The following UBOX5 variants were observed in gnomAD, a reference collection of about 807,000 sequenced individuals.
UBOX5 encodes the protein RING finger protein 37.
UBOX5 carries 28 observed loss-of-function variants against 39.0 expected under a neutral mutation model. The observed-to-expected ratio is 0.72, with a 90% CI of 0.53 to 0.98. UBOX5 has a LOEUF of 0.98. Ranked by LOEUF, UBOX5 falls within the 50% of genes least tolerant of loss-of-function variation. UBOX5 has a pLI of 0.00. For synonymous variants in UBOX5, 283 were observed against 275.5 expected, an observed-to-expected ratio of 1.03 and a Z score of -0.27; for missense variants, 585 against 674.4, an observed-to-expected ratio of 0.87 and a Z score of 1.47.
chr20:3,140,428 T>C (rs1388782213), intron 1 of UBOX5, among the ~76,000 whole-genome samples: 2 of 152,206 alleles, frequency 1.3e-5, no homozygotes, highest in Non-Finnish European at 2.9e-5. Context: ...CAAAGGTTTT[T>C]ACTACCATTT....
Position 3,121,833 on chromosome 20 carries a change from A to C in UBOX5, c.806T>G (p.Leu269Arg). 1 of 1,614,130 alleles carries C rather than the reference A, an allele frequency of 6.2e-7. No homozygotes were observed. Among genetic ancestry groups the C allele is most frequent in the Non-Finnish European group, 8.5e-7 (1 of 1,180,040 alleles). Residue 269 changes from leucine (L) to arginine (R), a missense_variant, in exon 3 of 5, where the codon CTG becomes CGG. Transcript: ENST00000217173. The stretch of plus-strand genomic sequence containing the variant: ...CAGCATGGGACAAGGCATGATCTCC[A>C]GGGTGATGGGATCCAGGAACTCCTC... ...VPEEFLDPIT[L>R]EIMPCPMLLP...
chr20:3,147,824 G>A lies in UBOX5; in HGVS notation c.-42+11942C>T, dbSNP rs575070417. The A allele has an allele frequency of 2.4e-5, 39 of 1,614,168 alleles. No individual in the cohort carries two copies. In the African/African-American group the frequency reaches 4.1e-4, roughly 17 times the overall value. ...GTGTGCCACTCTAGGAGGCAAAGAC[G>A]CAGCCACTGCATTCATTACTCCTTC... On this transcript the variant is annotated intron_variant, in intron 1 of 4. Transcript: ENST00000217173.
chr20:3,144,869 T>C (rs1488122526), intron 1 of UBOX5, among the ~76,000 whole-genome samples: 1 of 152,190 alleles, frequency 6.6e-6, no homozygotes, highest in Non-Finnish European at 1.5e-5. Context: ...GCGTCAGACT[T>C]GGGAACCATT....
At chr20:3,148,450 G>C (rs1390258400) in intron 1 of UBOX5, 1 of 1,613,988 alleles carries the variant, frequency 6.2e-7, no homozygotes, top group Admixed American at 1.7e-5. Context: ...TCAAAACATT[G>C]ATCAGATCTT....
At chr20:3,126,385 A>T (rs1464345299) in intron 1 of UBOX5, among the ~76,000 whole-genome samples, 1 of 151,956 alleles carries the variant, frequency 6.6e-6, no homozygotes, top group African/African-American at 2.4e-5. Context: ...GGCCGCAGGG[A>T]CCTCTGCCTA....
chr20:3,131,954 G>A (rs2066431983), intron 1 of UBOX5, among the ~76,000 whole-genome samples: 2 of 143,612 alleles, frequency 1.4e-5, no homozygotes, highest in African/African-American at 5.1e-5. Flanking sequence ...GTTGCACTGA[G>A]CCGAGATCGA....
chr20:3,109,576 C>A lies in UBOX5; in HGVS notation c.*530G>T. ...GCAGGTGGGCGACAGGAGTGTGTGACACAGACAGGCACTCCACCAGGAGGA... is the reference window on the plus strand; with the variant it reads ...GCAGGTGGGCGACAGGAGTGTGTGAAACAGACAGGCACTCCACCAGGAGGA... On this transcript the variant is annotated 3_prime_UTR_variant, in exon 5 of 5. Coordinates refer to ENST00000217173, the MANE Select transcript of UBOX5 (RefSeq NM_014948.4). 1 of 169,862 alleles carries A rather than the reference C, an allele frequency of 5.9e-6. No individual in the cohort carries two copies. Among genetic ancestry groups the A allele is most frequent in the Non-Finnish European group, 1.3e-5 (1 of 77,242 alleles). 10.5% of individuals were successfully genotyped at this position (169,862 alleles called of 1,614,324 possible).
At chr20:3,146,720 A>G in intron 1 of UBOX5, 1 of 1,524,302 alleles carries the variant, frequency 6.6e-7, no homozygotes, top group South Asian at 1.3e-5. Flanking sequence ...TCATTTTGCA[A>G]CACCTGGTAC....
intron 1 of UBOX5, among the ~76,000 whole-genome samples, chr20:3,133,756 T>TG (rs113241293): frequency 0.31 from 45,459 of 147,474 alleles, 7,920 homozygotes; most frequent in Non-Finnish European, 0.4. Context: ...TTATTTTTTT[T>TG]GGGGGGGGGA....
intron 1 of UBOX5, among the ~76,000 whole-genome samples, chr20:3,128,124 G>A (rs985378461): frequency 6.6e-6 from 1 of 152,214 alleles, no homozygotes; most frequent in Non-Finnish European, 1.5e-5. Flanking sequence ...TCCACGATAA[G>A]TAAAAACAAA....
chr20:3,145,130 A>G (rs1336061507), intron 1 of UBOX5, among the ~76,000 whole-genome samples: 2 of 152,114 alleles, frequency 1.3e-5, no homozygotes, highest in Non-Finnish European at 2.9e-5. Context: ...TGGAGGAAAA[A>G]TCCTGAAATA....
chr20:3,145,019 T>C (rs994005023), intron 1 of UBOX5, among the ~76,000 whole-genome samples: 6 of 152,184 alleles, frequency 3.9e-5, no homozygotes, highest in Non-Finnish European at 7.3e-5. Flanking sequence ...TCACCAATTC[T>C]GAAATGGCTC....
At chr20:3,159,333 C>A (rs1347500533) in intron 1 of UBOX5, among the ~76,000 whole-genome samples, 1 of 152,186 alleles carries the variant, frequency 6.6e-6, no homozygotes, top group Non-Finnish European at 1.5e-5. Flanking sequence ...GAGGCTTCAG[C>A]CTCGTCTGGA....
At chr20:3,119,819 A>C (rs2066320497) in intron 3 of UBOX5, among the ~76,000 whole-genome samples, 1 of 151,954 alleles carries the variant, frequency 6.6e-6, no homozygotes, top group South Asian at 2.1e-4. Flanking sequence ...GCGCCATTGC[A>C]CTCCAGCCTG....
intron 1 of UBOX5, among the ~76,000 whole-genome samples, chr20:3,137,434 A>AT (rs773391417): frequency 1.3e-5 from 2 of 151,752 alleles, no homozygotes; most frequent in African/African-American, 4.8e-5. Flanking sequence ...ATGCCTGGCT[A>AT]TTTTTTGTAT....
intron 1 of UBOX5, among the ~76,000 whole-genome samples, chr20:3,135,675 C>G (rs1036698807): frequency 1.3e-5 from 2 of 152,036 alleles, no homozygotes; most frequent in Non-Finnish European, 2.9e-5. Context: ...AGGGTGAGCA[C>G]TGTTTTGTGA....
At chr20:3,110,642 C>A (rs2066246388) in intron 4 of UBOX5, 1 of 376,494 alleles carries the variant, frequency 2.7e-6, no homozygotes, top group Non-Finnish European at 5.0e-6. Context: ...GTGGCCAAGG[C>A]TGGAGCAAGG....
chr20:3,159,059 T>G (rs554675352), intron 1 of UBOX5, among the ~76,000 whole-genome samples: 21 of 152,272 alleles, frequency 1.4e-4, no homozygotes, highest in Non-Finnish European at 2.6e-4. Flanking sequence ...ACAGCTGATA[T>G]GAGGGGACCC....
intron 1 of UBOX5, among the ~76,000 whole-genome samples, chr20:3,135,630 A>C (rs1048158235): frequency 6.6e-6 from 1 of 151,712 alleles, no homozygotes; most frequent in Non-Finnish European, 1.5e-5. Context: ...TTAAAAATTA[A>C]GTAGAATAGA....
Sources: gnomAD v4.1 joint callset for allele counts (sites outside exome capture counted in the v4.1 genomes callset) on GRCh38, gnomAD v4.1.1 for gene constraint, MANE v1.5 for transcripts, NCBI Gene and HGNC (gene_info 2026-07-23, HGNC 2026-07-21) for gene names.